TENM1: variants seen among roughly 807,000 people sequenced by gnomAD.
TENM1 encodes teneurin-1.
TENM1 carries 35 observed loss-of-function variants against 174.8 expected under a neutral mutation model. The ratio of observed to expected loss-of-function variants is 0.20; its 90% confidence interval spans 0.15 to 0.27. The LOEUF is 0.27. Ranked by LOEUF, TENM1 falls within the 10% of genes least tolerant of loss-of-function variation. The pLI, the probability that TENM1 is intolerant of heterozygous loss-of-function variation, is 1.00. For synonymous variants in TENM1, 781 were observed against 798.7 expected, an observed-to-expected ratio of 0.98 and a Z score of 0.37; for missense variants, 1,633 against 2,130.1, an observed-to-expected ratio of 0.77 and a Z score of 4.59.
At chrX:124,955,436 T>C (rs1295980735) in intron 1 of TENM1, among the ~76,000 whole-genome samples, 1 of 111,404 alleles carries the variant, frequency 9.0e-6, no homozygotes, top group East Asian at 2.8e-4. Context: ...TTTGACAATA[T>C]TAGTTACATC....
chrX:124,727,435 GGAATTT>G (rs2053466513), intron 4 of TENM1, among the ~76,000 whole-genome samples: 1 of 111,950 alleles, frequency 8.9e-6, no homozygotes, highest in Non-Finnish European at 1.9e-5. Flanking sequence ...CTCTGAATTA[GGAATTT>G]GAATTGGGGG....
At chrX:124,879,000 G>C (rs1394847959) in intron 3 of TENM1, among the ~76,000 whole-genome samples, 1 of 111,831 alleles carries the variant, frequency 8.9e-6, no homozygotes, top group Admixed American at 9.4e-5. Flanking sequence ...TTTTTATTGA[G>C]AAATAAAATT....
intron 11 of TENM1, among the ~76,000 whole-genome samples, chrX:124,566,941 C>T (rs5958526): frequency 3.6e-5 from 4 of 111,689 alleles, no homozygotes; most frequent in Non-Finnish European, 7.5e-5. Flanking sequence ...AGTAATAATA[C>T]TTATACATCA....
intron 15 of TENM1, among the ~76,000 whole-genome samples, chrX:124,543,291 C>T (rs1352501417): frequency 8.9e-6 from 1 of 112,470 alleles, no homozygotes; most frequent in Non-Finnish European, 1.9e-5. Context: ...AATGTCAGGA[C>T]AAACAAAATA....
chrX:124,621,272 GA>G (rs1168243796), intron 11 of TENM1, among the ~76,000 whole-genome samples: 2 of 111,649 alleles, frequency 1.8e-5, no homozygotes, highest in Non-Finnish European at 3.8e-5. Context: ...AGGAGTTTGA[GA>G]CCAGCCTGGC....
chrX:124,720,058 CA>C (rs766795948), intron 4 of TENM1, among the ~76,000 whole-genome samples: 1 of 111,875 alleles, frequency 8.9e-6, no homozygotes, highest in African/African-American at 3.3e-5. Flanking sequence ...GACTTCTATA[CA>C]AGGTGTTGCA....
At chrX:124,492,266 C>G (rs1479214216) in intron 20 of TENM1, among the ~76,000 whole-genome samples, 1 of 111,436 alleles carries the variant, frequency 9.0e-6, no homozygotes, top group African/African-American at 3.3e-5. Context: ...GCATGGGGCA[C>G]AGAGCAATTA....
intron 11 of TENM1, among the ~76,000 whole-genome samples, chrX:124,591,973 T>TC (rs1196289253): frequency 8.9e-6 from 1 of 111,951 alleles, no homozygotes; most frequent in Non-Finnish European, 1.9e-5. Flanking sequence ...AAGACTGGTC[T>TC]CCAAGCTTGG....
chrX:124,631,977 A>G (rs1223236213), intron 11 of TENM1, among the ~76,000 whole-genome samples: 4 of 100,961 alleles, frequency 4.0e-5, no homozygotes, highest in Admixed American at 1.1e-4. Flanking sequence ...CAGTGGCGCA[A>G]TCTCGGCTCA....
At chrX:124,436,877 T>C (rs1048348779) in intron 23 of TENM1, among the ~76,000 whole-genome samples, 2 of 109,093 alleles carry the variant, frequency 1.8e-5, no homozygotes, top group African/African-American at 6.7e-5. Context: ...CATCACATTC[T>C]CTATATTAAA....
At chrX:124,439,861 A>G (rs35591107) in intron 23 of TENM1, among the ~76,000 whole-genome samples, 27,398 of 110,693 alleles carry the variant, frequency 0.25, 3,181 homozygotes, top group Non-Finnish European at 0.36. Context: ...TGATTTATGC[A>G]TATTACCACA....
At chrX:125,047,622 C>T in the TENM1 span, among the ~76,000 whole-genome samples, 424 of 111,041 alleles carry the variant, frequency 3.8e-3, 6 homozygotes, top group African/African-American at 0.013. Context: ...TCATGGAACA[C>T]GGCTCCTAGA....
chrX:124,869,861 T>G, intron 3 of TENM1, among the ~76,000 whole-genome samples: 1 of 107,849 alleles, frequency 9.3e-6, no homozygotes, highest in African/African-American at 3.4e-5. Flanking sequence ...GAGGTGGGGG[T>G]GGTTAATGTA....
At chrX:124,561,794 C>T (rs774343358) in exon 14 of TENM1, 1 of 1,211,027 alleles carries the variant, frequency 8.3e-7, no homozygotes, top group Non-Finnish European at 1.1e-6. Context: ...CGTCCATTTC[C>T]AAAGCAGAGC....
chrX:124,450,377 A>AAG (rs34898376), intron 23 of TENM1, among the ~76,000 whole-genome samples: 18 of 101,210 alleles, frequency 1.8e-4, no homozygotes, highest in African/African-American at 6.1e-4. Context: ...AAAAAAAAAA[A>AAG]TGGGAGTTTC....
the TENM1 span, among the ~76,000 whole-genome samples, chrX:125,003,033 C>G: frequency 1.8e-5 from 2 of 112,052 alleles, no homozygotes; most frequent in Non-Finnish European, 3.8e-5. Context: ...TAGTGCAATA[C>G]TGATTGACTG....
chrX:124,754,677 G>A (rs1311334326), intron 3 of TENM1, among the ~76,000 whole-genome samples: 1 of 108,848 alleles, frequency 9.2e-6, no homozygotes. Context: ...CAGAGATTCT[G>A]GTATGTTGTG....
chrX:124,432,403 ATTTG>A (rs759097276), intron 23 of TENM1, among the ~76,000 whole-genome samples: 5 of 109,549 alleles, frequency 4.6e-5, no homozygotes, highest in African/African-American at 1.7e-4. Context: ...TTATTTATTT[ATTTG>A]TTTGTTTGTT....
the TENM1 span, among the ~76,000 whole-genome samples, chrX:125,032,231 G>A: frequency 9.3e-6 from 1 of 108,048 alleles, no homozygotes; most frequent in African/African-American, 3.4e-5. Flanking sequence ...GTGCAATGGT[G>A]CGACCTCAGC....
Sources: gnomAD v4.1 joint callset for allele counts (sites outside exome capture counted in the v4.1 genomes callset) on GRCh38, gnomAD v4.1.1 for gene constraint, MANE v1.5 for transcripts, NCBI Gene and HGNC (gene_info 2026-07-23, HGNC 2026-07-21) for gene names.